The following MACROD2 variants were observed in gnomAD, a reference collection of about 807,000 sequenced individuals.
The protein encoded by MACROD2 is ADP-ribose glycohydrolase MACROD2.
Under a neutral mutation model 70.4 loss-of-function variants are expected in MACROD2, and 36 were observed. That is an observed-to-expected ratio of 0.51 (90% CI 0.39 to 0.68). The LOEUF is 0.68. Among genes scored for constraint, MACROD2 ranks in the 30% least tolerant of loss-of-function variants. The probability of loss-of-function intolerance (pLI) is 0.00; values close to 1 mark genes in which losing one functional copy is unlikely to be tolerated. For synonymous variants in MACROD2, 172 were observed against 178.8 expected, an observed-to-expected ratio of 0.96 and a Z score of 0.30; for missense variants, 496 against 538.4, an observed-to-expected ratio of 0.92 and a Z score of 0.78.
chr20:14,035,206 T>C (rs1484710564), intron 2 of MACROD2, among the ~76,000 whole-genome samples: 1 of 152,226 alleles, frequency 6.6e-6, no homozygotes, highest in Non-Finnish European at 1.5e-5. Flanking sequence ...TTCTCTTTCT[T>C]TTCCTTTGCA....
intron 8 of MACROD2, among the ~76,000 whole-genome samples, chr20:15,610,416 C>CA (rs2048951007): frequency 6.6e-6 from 1 of 152,176 alleles, no homozygotes; most frequent in South Asian, 2.1e-4. Flanking sequence ...TGGCCGTCGG[C>CA]AACCCTAGGT....
At chr20:14,541,188 A>G (rs535331109) in intron 4 of MACROD2, among the ~76,000 whole-genome samples, 2 of 152,292 alleles carry the variant, frequency 1.3e-5, no homozygotes, top group Admixed American at 1.3e-4. Flanking sequence ...ATCAATTTGT[A>G]TAGACTTTAT....
Position 14,757,573 on chromosome 20 carries a change from C to G in MACROD2, c.418+72614C>G. Reference sequence around the variant, plus strand: ...CCTACAGCCATCAAGATGTTGATGCCTAAGAAGAACCAGATTGCCATTTAT... The same window carrying G: ...CCTACAGCCATCAAGATGTTGATGCGTAAGAAGAACCAGATTGCCATTTAT... On this transcript the variant is annotated intron_variant, in intron 5 of 17. Transcript: ENST00000684519. 2.9e-6 allele frequency: 3 copies of G among 1,050,874 alleles called. No homozygotes were observed. The South Asian group carries it at 4.1e-5, about 14-fold the overall frequency. 65.1% of individuals were successfully genotyped at this position (1,050,874 alleles called of 1,614,324 possible).
chr20:14,015,713 A>G (rs2052980021), intron 2 of MACROD2, among the ~76,000 whole-genome samples: 1 of 152,214 alleles, frequency 6.6e-6, no homozygotes, highest in Non-Finnish European at 1.5e-5. Flanking sequence ...ACAATCATGT[A>G]AGTGGAATCA....
intron 17 of MACROD2, among the ~76,000 whole-genome samples, chr20:16,048,275 T>TAAG (rs2067411158): frequency 6.6e-6 from 1 of 152,102 alleles, no homozygotes; most frequent in African/African-American, 2.4e-5. Context: ...ATGAGAACGT[T>TAAG]AAGAGAGTAG....
rs148847248 is a variant in MACROD2 at position 14,591,623 on chromosome 20, CAT to C, written c.302-93218_302-93217del. ...CTACAAAGGAAGAACATTAACTTAA[CAT>C]AGTGTGGTGTCTAGAAGAAAATGTA... On this transcript the variant is annotated intron_variant, in intron 4 of 17. Transcript: ENST00000684519. Among the ~76,000 whole-genome samples the C allele has an allele frequency of 4.2e-3, 634 of 152,244 alleles. 29 individuals are homozygous for C. The East Asian group carries it at 0.11, about 26-fold the overall frequency.
chr20:15,352,429 ACG>A (rs2078237654), intron 6 of MACROD2, among the ~76,000 whole-genome samples: 1 of 152,154 alleles, frequency 6.6e-6, no homozygotes, highest in Admixed American at 6.6e-5. Context: ...TTGCTAAAAC[ACG>A]TATCAAAATA....
At chr20:14,974,916 A>G (rs2122814844) in intron 5 of MACROD2, among the ~76,000 whole-genome samples, 1 of 152,288 alleles carries the variant, frequency 6.6e-6, no homozygotes, top group South Asian at 2.1e-4. Flanking sequence ...ACAAAGGCAC[A>G]CACACAATGA....
chr20:14,221,850 A>G (rs1334481166), intron 3 of MACROD2, among the ~76,000 whole-genome samples: 1 of 152,252 alleles, frequency 6.6e-6, no homozygotes, highest in African/African-American at 2.4e-5. Flanking sequence ...AAGCAGACAT[A>G]CAAATGGACA....
chr20:14,168,145 C>G (rs1569187996), intron 3 of MACROD2, among the ~76,000 whole-genome samples: 1 of 151,896 alleles, frequency 6.6e-6, no homozygotes, highest in Non-Finnish European at 1.5e-5. Flanking sequence ...TAAACATTTT[C>G]AAAAAGGAGT....
intron 3 of MACROD2, among the ~76,000 whole-genome samples, chr20:14,270,218 TACAC>T (rs1424413249): frequency 6.6e-6 from 1 of 152,158 alleles, no homozygotes; most frequent in Non-Finnish European, 1.5e-5. Flanking sequence ...CAAACATATA[TACAC>T]ACACATATAT....
At chr20:15,198,630 A>T (rs1284178557) in intron 5 of MACROD2, among the ~76,000 whole-genome samples, 2 of 152,198 alleles carry the variant, frequency 1.3e-5, no homozygotes, top group African/African-American at 4.8e-5. Context: ...TAATAATGGT[A>T]TAATATTCCT....
chr20:14,575,508 G>A (rs1350451248), intron 4 of MACROD2, among the ~76,000 whole-genome samples: 1 of 152,172 alleles, frequency 6.6e-6, no homozygotes, highest in Non-Finnish European at 1.5e-5. Flanking sequence ...CTGAAATAGT[G>A]TCAGGAATGC....
intron 3 of MACROD2, among the ~76,000 whole-genome samples, chr20:14,474,999 A>AT (rs60329807): frequency 0.021 from 3,125 of 149,408 alleles, 105 homozygotes; most frequent in African/African-American, 0.072. Flanking sequence ...CCATTTTGTT[A>AT]TTTTTTTTTC....
chr20:15,963,905 C>A (rs1298405222), intron 12 of MACROD2, among the ~76,000 whole-genome samples: 6 of 151,860 alleles, frequency 4.0e-5, no homozygotes, highest in African/African-American at 1.5e-4. Context: ...TATCTACAGC[C>A]CTTTGGCTTG....
chr20:14,957,905 C>T (rs1777849059), intron 5 of MACROD2, among the ~76,000 whole-genome samples: 1 of 151,500 alleles, frequency 6.6e-6, no homozygotes, highest in Admixed American at 6.6e-5. Flanking sequence ...TTTTCAATTA[C>T]TTTTTTATAA....
intron 10 of MACROD2, among the ~76,000 whole-genome samples, chr20:15,889,030 T>C (rs999516917): frequency 6.6e-6 from 1 of 152,082 alleles, no homozygotes; most frequent in African/African-American, 2.4e-5. Context: ...GCTACTTGAG[T>C]GAATCAACTG....
At chr20:15,362,114 C>T (rs546863536) in intron 6 of MACROD2, among the ~76,000 whole-genome samples, 5 of 151,586 alleles carry the variant, frequency 3.3e-5, no homozygotes, top group Admixed American at 1.3e-4. Flanking sequence ...CGGGTTCAAG[C>T]GATTCTTATG....
At chr20:14,228,354 T>TG (rs1001647627) in intron 3 of MACROD2, among the ~76,000 whole-genome samples, 6 of 128,552 alleles carry the variant, frequency 4.7e-5, no homozygotes, top group Non-Finnish European at 1.0e-4. Flanking sequence ...TTTTTTTTTT[T>TG]TGAGATGGAG....
Sources: allele counts gnomAD v4.1 joint callset (sites outside exome capture counted in the v4.1 genomes callset), GRCh38; gene constraint gnomAD v4.1.1; transcripts MANE v1.5; gene names NCBI Gene and HGNC (gene_info 2026-07-23, HGNC 2026-07-21).